Variants in ELMO1 observed in about 807,000 individuals in gnomAD.
The protein encoded by ELMO1 is engulfment and cell motility protein 1.
Under a neutral mutation model 98.9 loss-of-function variants are expected in ELMO1, and 26 were observed. The observed-to-expected ratio is 0.26, with a 90% CI of 0.19 to 0.36. The LOEUF is 0.36. ELMO1 is among the 10% of genes least tolerant of loss of function. ELMO1 has a pLI of 1.00. For missense variants in ELMO1, 627 were observed against 935.2 expected (o/e 0.67, Z 4.30); for synonymous variants, 346 against 346.0 (o/e 1.00, Z 0.00).
At chr7:37,242,262 T>TC (rs1794800351) in intron 7 of ELMO1, among the ~76,000 whole-genome samples, 1 of 152,226 alleles carries the variant, frequency 6.6e-6, no homozygotes, top group Non-Finnish European at 1.5e-5. Flanking sequence ...AATTTTCACT[T>TC]TATTGTGCTT....
chr7:37,175,682 C>T (rs1438510654), intron 13 of ELMO1, among the ~76,000 whole-genome samples: 3 of 152,138 alleles, frequency 2.0e-5, no homozygotes, highest in Admixed American at 6.5e-5. Flanking sequence ...CTTGTCTCTA[C>T]TAAACATACA....
At chr7:37,245,257 A>G (rs1265636012) in intron 6 of ELMO1, among the ~76,000 whole-genome samples, 4 of 152,158 alleles carry the variant, frequency 2.6e-5, no homozygotes, top group Non-Finnish European at 5.9e-5. Context: ...GGCCCTGAGG[A>G]CACATCAGCT....
intron 13 of ELMO1, among the ~76,000 whole-genome samples, chr7:37,208,586 GCAT>G (rs1387241960): frequency 6.6e-6 from 1 of 152,198 alleles, no homozygotes; most frequent in African/African-American, 2.4e-5. Context: ...ACTGCTTACA[GCAT>G]CTAGAGATTT....
At chr7:37,243,964 C>T (rs1034316532) in intron 7 of ELMO1, among the ~76,000 whole-genome samples, 1 of 152,074 alleles carries the variant, frequency 6.6e-6, no homozygotes, top group African/African-American at 2.4e-5. Flanking sequence ...AATGTGAATC[C>T]GTTTTCTTTC....
chr7:37,143,644 T>C (rs1272034574), intron 13 of ELMO1, among the ~76,000 whole-genome samples: 1 of 151,430 alleles, frequency 6.6e-6, no homozygotes, highest in Non-Finnish European at 1.5e-5. Flanking sequence ...TGACCTCAAG[T>C]GATTTGCCAG....
chr7:37,292,508 C>T (rs1583472699), intron 4 of ELMO1, among the ~76,000 whole-genome samples: 3 of 70,574 alleles, frequency 4.3e-5, no homozygotes, highest in Admixed American at 1.4e-4. Flanking sequence ...GTGAGGAGCG[C>T]CTCTTCCCGG....
At chr7:37,230,276 G>T (rs531747387) in intron 8 of ELMO1, among the ~76,000 whole-genome samples, 1 of 152,302 alleles carries the variant, frequency 6.6e-6, no homozygotes, top group Middle Eastern at 3.4e-3. Flanking sequence ...TCACCGAAAT[G>T]TGACAAGTGC....
chr7:37,310,290 C>T (rs560265418), intron 4 of ELMO1, among the ~76,000 whole-genome samples: 81 of 152,330 alleles, frequency 5.3e-4, no homozygotes, highest in African/African-American at 1.8e-3. Context: ...ATCCTGCAAT[C>T]ATAATAAAAT....
chr7:37,296,810 C>A (rs910746516), intron 4 of ELMO1, among the ~76,000 whole-genome samples: 3 of 152,190 alleles, frequency 2.0e-5, no homozygotes, highest in Admixed American at 6.5e-5. Context: ...CTAATCTCAA[C>A]TCCTTTCTTA....
chr7:37,350,888 C>A (rs1221919059), intron 1 of ELMO1, among the ~76,000 whole-genome samples: 5 of 152,302 alleles, frequency 3.3e-5, no homozygotes, highest in South Asian at 2.1e-4. Flanking sequence ...AGACAGCCAT[C>A]TGTAAGCCAA....
intron 5 of ELMO1, chr7:37,269,811 T>G (rs888779603): frequency 2.0e-5 from 3 of 152,154 alleles, no homozygotes; most frequent in African/African-American, 7.2e-5. Flanking sequence ...GCTGGGAATG[T>G]GAGGATCATT....
chr7:37,181,489 C>T (rs549557829), intron 13 of ELMO1, among the ~76,000 whole-genome samples: 1 of 152,180 alleles, frequency 6.6e-6, no homozygotes, highest in African/African-American at 2.4e-5. Flanking sequence ...TTGTATAAGC[C>T]AAGACTTTTG....
intron 1 of ELMO1, among the ~76,000 whole-genome samples, chr7:37,382,822 C>T (rs1213745292): frequency 6.6e-6 from 1 of 151,922 alleles, no homozygotes; most frequent in Admixed American, 6.6e-5. Context: ...CACTGAGTTT[C>T]TCCCAGGTGT....
rs549497978 is a variant in ELMO1, at chr7:37,137,661, C to T, written c.1087-4427G>A. 9.5e-4 allele frequency among the ~76,000 whole-genome samples: 145 copies of T among 152,182 alleles called. 1 individual carries two copies. Among genetic ancestry groups the T allele is most frequent in the African/African-American group, 3.3e-3 (137 of 41,508 alleles). ...AAGCAATTCTCCTGCCTCAGCCTCC[C>T]GAGTAGCTGGGAATACAGCCACGTG... On this transcript the variant is annotated intron_variant, in intron 13 of 21. Transcript: ENST00000310758.
At chr7:37,139,516 G>A (rs566027919) in intron 13 of ELMO1, among the ~76,000 whole-genome samples, 34 of 152,032 alleles carry the variant, frequency 2.2e-4, no homozygotes, top group African/African-American at 7.9e-4. Context: ...CCAGGGAGGT[G>A]AAAGACCTCT....
chr7:36,953,875 GTGTGTGTGTGTGTGTGTGTGTA>G (rs1788218536), intron 16 of ELMO1, among the ~76,000 whole-genome samples: 2 of 101,616 alleles, frequency 2.0e-5, no homozygotes, highest in Admixed American at 1.1e-4. Context: ...GTGTGTGTGT[GTGTGTGTGTGTGTGTGTGTGTA>G]TTAGTCATTT....
chr7:37,278,311 C>T (rs1357821775), intron 4 of ELMO1, among the ~76,000 whole-genome samples: 2 of 151,820 alleles, frequency 1.3e-5, no homozygotes, highest in Non-Finnish European at 2.9e-5. Flanking sequence ...CCTAGATAAT[C>T]TCAATGGGCT....
intron 15 of ELMO1, among the ~76,000 whole-genome samples, chr7:37,045,469 T>C (rs1227228991): frequency 6.6e-6 from 1 of 152,202 alleles, no homozygotes; most frequent in Non-Finnish European, 1.5e-5. Flanking sequence ...ATTATTATTT[T>C]AAAAAACTTC....
chr7:37,374,121 C>A (rs1349948682), intron 1 of ELMO1, among the ~76,000 whole-genome samples: 1 of 152,140 alleles, frequency 6.6e-6, no homozygotes, highest in Non-Finnish European at 1.5e-5. Flanking sequence ...GTTTATTACA[C>A]CCTGAGAGCA....
Sources: gnomAD v4.1 joint callset for allele counts (sites outside exome capture counted in the v4.1 genomes callset) on GRCh38, gnomAD v4.1.1 for gene constraint, MANE v1.5 for transcripts, NCBI Gene and HGNC (gene_info 2026-07-23, HGNC 2026-07-21) for gene names.